SLFN12L: variants seen among roughly 807,000 people sequenced by gnomAD.
The protein encoded by SLFN12L is schlafen family member 12 like.
SLFN12L carries 34 observed loss-of-function variants against 34.8 expected under a neutral mutation model. The ratio of observed to expected loss-of-function variants is 0.98; its 90% confidence interval spans 0.74 to 1.30. The LOEUF (loss-of-function observed/expected upper bound fraction) is 1.30, where lower values mean the gene tolerates loss of function less well. Ranked by LOEUF, SLFN12L falls within the 50% of genes most tolerant of loss-of-function variation. The probability of loss-of-function intolerance (pLI) is 0.00; values close to 1 mark genes in which losing one functional copy is unlikely to be tolerated. For missense variants in SLFN12L, 703 were observed against 696.2 expected, an observed-to-expected ratio of 1.01 and a Z score of -0.11; for synonymous variants, 259 against 247.5, an observed-to-expected ratio of 1.05 and a Z score of -0.44.
At chr17:35,516,751 T>G (rs528188297) in intron 2 of SLFN12L, among the ~76,000 whole-genome samples, 7 of 152,370 alleles carry the variant, frequency 4.6e-5, no homozygotes, top group African/African-American at 1.7e-4. Flanking sequence ...CATATACCAG[T>G]GCCATCCAAC....
intron 2 of SLFN12L, 89 bp downstream of exon 2, chr17:35,522,190 C>T: frequency 6.6e-7 from 1 of 1,525,706 alleles, no homozygotes; most frequent in Non-Finnish European, 8.9e-7. Context: ...ATAATTTTAC[C>T]ACTTAATTTT....
At chr17:35,530,589 A>G (rs73279688) in intron 1 of SLFN12L, among the ~76,000 whole-genome samples, 1,981 of 149,662 alleles carry the variant, frequency 0.013, 91 homozygotes, top group African/African-American at 0.048. Context: ...CTTTTGGACT[A>G]TACATTCTTA....
chr17:35,492,299 G>A (rs1395314605), intron 2 of SLFN12L, among the ~76,000 whole-genome samples: 2 of 152,148 alleles, frequency 1.3e-5, no homozygotes, highest in African/African-American at 4.8e-5. Flanking sequence ...GCTGACATGG[G>A]TGACCCATTG....
rs917924893 is a variant in SLFN12L at position 35,510,801 on chromosome 17, G to C, written c.86+11478C>G. Among the ~76,000 whole-genome samples, 16 of 148,252 alleles carry C rather than the reference G, an allele frequency of 1.1e-4. 1 individual carries two copies. Among genetic ancestry groups the C allele is most frequent in the Non-Finnish European group, 8.9e-5 (6 of 67,370 alleles). On this transcript the variant is annotated intron_variant, in intron 2 of 4. Transcript: ENST00000628453. The stretch of plus-strand genomic sequence containing the variant: ...CCTATGGAAGCATAAAATTTTCTCT[G>C]TTAATTATGCCAAATAAAACTGAAT...
chr17:35,520,706 A>G (rs1349609515), intron 2 of SLFN12L, among the ~76,000 whole-genome samples: 1 of 151,990 alleles, frequency 6.6e-6, no homozygotes, highest in African/African-American at 2.4e-5. Context: ...AGATCATACC[A>G]CTGCACTCCA....
At chr17:35,487,747 C>T (rs1440965915) in intron 2 of SLFN12L, 7 of 1,536,000 alleles carry the variant, frequency 4.6e-6, no homozygotes, top group Admixed American at 3.9e-5. Flanking sequence ...CATGTCTGCG[C>T]ACTCTTCACC....
intron 2 of SLFN12L, among the ~76,000 whole-genome samples, chr17:35,482,695 C>A (rs1255375285): frequency 2.0e-5 from 3 of 152,234 alleles, no homozygotes; most frequent in African/African-American, 7.2e-5. Flanking sequence ...GGTGCCCACT[C>A]TGATCTGGGA....
At chr17:35,477,467 T>C (rs1253456467) in intron 4 of SLFN12L, among the ~76,000 whole-genome samples, 2 of 152,016 alleles carry the variant, frequency 1.3e-5, no homozygotes, top group Non-Finnish European at 2.9e-5. Context: ...GAATATGCCT[T>C]GGGAAAAGAG....
chr17:35,476,404 CAGCCTGGGCAATATGGTGAAACCCTG>C (rs1914005788), intron 4 of SLFN12L, among the ~76,000 whole-genome samples: 1 of 150,270 alleles, frequency 6.7e-6, no homozygotes, highest in Non-Finnish European at 1.5e-5. Context: ...AGTTTGAGAC[CAGCCTGGGCAATATGGTGAAACCCTG>C]TCACAAAAAG....
At chr17:35,533,091 G>T (rs2072426892) in intron 1 of SLFN12L, among the ~76,000 whole-genome samples, 1 of 151,970 alleles carries the variant, frequency 6.6e-6, no homozygotes, top group East Asian at 1.9e-4. Context: ...TTTACAATTT[G>T]TAAACATCAA....
chr17:35,476,344 TA>T (rs1183009200), intron 4 of SLFN12L, among the ~76,000 whole-genome samples: 1 of 151,990 alleles, frequency 6.6e-6, no homozygotes, highest in Admixed American at 6.6e-5. Flanking sequence ...CTTATGCCTG[TA>T]ATCCCAGCAG....
At chr17:35,527,482 CA>C (rs1329844052) in intron 1 of SLFN12L, among the ~76,000 whole-genome samples, 1 of 152,150 alleles carries the variant, frequency 6.6e-6, no homozygotes, top group Non-Finnish European at 1.5e-5. Context: ...AATCCAGCAG[CA>C]CATCAAAAAG....
At chr17:35,490,054 C>A in intron 2 of SLFN12L, 3 of 1,605,664 alleles carry the variant, frequency 1.9e-6, no homozygotes, top group Non-Finnish European at 2.6e-6. Context: ...GTTCCCTCTC[C>A]CTCCAAAGCG....
intron 1 of SLFN12L, among the ~76,000 whole-genome samples, chr17:35,527,265 G>A (rs2072345610): frequency 6.6e-6 from 1 of 152,098 alleles, no homozygotes; most frequent in Non-Finnish European, 1.5e-5. Flanking sequence ...ATTCACAGCT[G>A]AATTCTACCA....
intron 2 of SLFN12L, chr17:35,491,040 C>T (rs1020817613): frequency 3.8e-6 from 3 of 786,958 alleles, no homozygotes; most frequent in African/African-American, 3.4e-5. Context: ...TTACAGCAGA[C>T]TGCGGACCAA....
At chr17:35,497,791 A>T (rs1456704185) in intron 2 of SLFN12L, among the ~76,000 whole-genome samples, 1 of 152,238 alleles carries the variant, frequency 6.6e-6, no homozygotes, top group Non-Finnish European at 1.5e-5. Context: ...CAATTTTAAC[A>T]AAGGGTACAA....
rs1189072848 is a variant in SLFN12L, at chr17:35,468,061, T to G, written c.*6862A>C. On this transcript the variant is annotated 3_prime_UTR_variant, in exon 5 of 5. Coordinates refer to ENST00000628453, the MANE Select transcript of SLFN12L (RefSeq NM_001363830.2). ...AGAAGCTGCGACCACAGGCACACAC[T>G]ACCACGCCCAGCTAATTTTTTATGT... Among the ~76,000 whole-genome samples the G allele has an allele frequency of 6.6e-6, 1 of 152,104 alleles. No individual in the cohort carries two copies. The highest frequency in any genetic ancestry group is 1.5e-5 in the Non-Finnish European group (1 of 68,008).
At chr17:35,498,660 A>T in intron 2 of SLFN12L, 3 of 1,601,218 alleles carry the variant, frequency 1.9e-6, no homozygotes, top group Non-Finnish European at 2.6e-6. Flanking sequence ...CATCCAGGAC[A>T]TCCTATCTAA....
chr17:35,514,533 TG>T (rs1340650324), intron 2 of SLFN12L, among the ~76,000 whole-genome samples: 1 of 152,204 alleles, frequency 6.6e-6, no homozygotes, highest in African/African-American at 2.4e-5. Flanking sequence ...ACAAAATCTG[TG>T]ATATTTCAGT....
Sources: allele counts gnomAD v4.1 joint callset (sites outside exome capture counted in the v4.1 genomes callset), GRCh38; gene constraint gnomAD v4.1.1; transcripts MANE v1.5; gene names NCBI Gene and HGNC (gene_info 2026-07-23, HGNC 2026-07-21).